The following TCEA1 variants were observed in gnomAD, a reference collection of about 807,000 sequenced individuals.
TCEA1 encodes the protein transcription elongation factor A1.
A neutral mutation model predicts 43.8 loss-of-function variants in TCEA1; 21 were observed. The observed-to-expected ratio is 0.48, with a 90% CI of 0.34 to 0.69. TCEA1 has a LOEUF of 0.69. Among genes scored for constraint, TCEA1 ranks in the 30% least tolerant of loss-of-function variants. The pLI is 0.01. For synonymous variants in TCEA1, 104 were observed against 117.5 expected (o/e 0.88, Z 0.75); for missense variants, 250 against 365.1 (o/e 0.68, Z 2.57).
intron 2 of TCEA1, among the ~76,000 whole-genome samples, chr8:54,008,135 T>C (rs1185001527): frequency 1.6e-5 from 2 of 127,782 alleles, no homozygotes; most frequent in South Asian, 2.6e-4. Context: ...GTCGTACCAC[T>C]GCACTCCATC....
intron 8 of TCEA1, chr8:53,972,756 T>A: frequency 1.4e-6 from 1 of 710,386 alleles, no homozygotes; most frequent in Non-Finnish European, 2.7e-6. Context: ...ATGACTGAAG[T>A]ACTATTATGC....
At chr8:54,003,030 A>T (rs1209113803) in intron 2 of TCEA1, 1 of 456,286 alleles carries the variant, frequency 2.2e-6, no homozygotes, top group Non-Finnish European at 4.4e-6. Flanking sequence ...GCTCCAGAAG[A>T]AAAGTCTCCT....
intron 8 of TCEA1, chr8:53,973,462 T>G: frequency 2.0e-6 from 1 of 502,700 alleles, no homozygotes. Flanking sequence ...GACCAGTACT[T>G]TGCTAAAGAA....
chr8:54,004,428 A>T (rs531100310), intron 2 of TCEA1, among the ~76,000 whole-genome samples: 1 of 152,376 alleles, frequency 6.6e-6, no homozygotes, highest in South Asian at 2.1e-4. Flanking sequence ...ATGCAACTGA[A>T]TATTATTCAG....
chr8:54,000,081 A>G, intron 2 of TCEA1, 31 bp from the exon 3 acceptor site: 2 of 1,239,486 alleles, frequency 1.6e-6, no homozygotes, highest in Non-Finnish European at 2.2e-6. Context: ...AATTATGTAT[A>G]CCAATTTTAT....
intron 3 of TCEA1, among the ~76,000 whole-genome samples, chr8:53,994,217 C>T (rs1803975232): frequency 6.6e-6 from 1 of 152,054 alleles, no homozygotes; most frequent in South Asian, 2.1e-4. Context: ...TGGTGGTGCA[C>T]ACCTGTAGTC....
intron 3 of TCEA1, among the ~76,000 whole-genome samples, chr8:53,996,838 T>C (rs1804067209): frequency 7.2e-6 from 1 of 139,328 alleles, no homozygotes. Context: ...CAATCCATTA[T>C]ACAGAAAAGG....
chr8:53,980,982 C>A (rs956914697), intron 7 of TCEA1, among the ~76,000 whole-genome samples: 1 of 152,148 alleles, frequency 6.6e-6, no homozygotes, highest in Admixed American at 6.6e-5. Flanking sequence ...GATATGAAAA[C>A]GTTTTAGTGG....
intron 1 of TCEA1, 84 bp from the exon 2 acceptor site, chr8:54,010,576 A>G (rs1804620474): frequency 1.9e-6 from 2 of 1,077,298 alleles, no homozygotes; most frequent in African/African-American, 1.6e-5. Context: ...GGAGAATCAC[A>G]GAAAACAGCT....
At chr8:53,978,242 AT>A (rs750119057) in intron 8 of TCEA1, among the ~76,000 whole-genome samples, 6 of 152,016 alleles carry the variant, frequency 3.9e-5, no homozygotes, top group Admixed American at 6.6e-5. Flanking sequence ...CCGCAAAAAA[AT>A]AATAATAATT....
intron 3 of TCEA1, among the ~76,000 whole-genome samples, chr8:53,997,932 C>T (rs1294297006): frequency 6.6e-6 from 1 of 152,186 alleles, no homozygotes; most frequent in East Asian, 1.9e-4. Context: ...TTCAAGGATA[C>T]AACTTAAAAA....
chr8:53,968,373 T>TA (rs78712518), intron 9 of TCEA1, among the ~76,000 whole-genome samples: 183 of 118,662 alleles, frequency 1.5e-3, no homozygotes, highest in Non-Finnish European at 2.0e-3. Context: ...TTTTTAAGGT[T>TA]AAAAAAAAAA....
chr8:54,006,481 A>C (rs1178655646), intron 2 of TCEA1, among the ~76,000 whole-genome samples: 1 of 152,188 alleles, frequency 6.6e-6, no homozygotes, highest in Non-Finnish European at 1.5e-5. Flanking sequence ...CTCCATCTCA[A>C]AGAAAAAAAA....
At chr8:54,017,963 G>C (rs1321803505) in intron 1 of TCEA1, among the ~76,000 whole-genome samples, 1 of 152,090 alleles carries the variant, frequency 6.6e-6, no homozygotes, top group African/African-American at 2.4e-5. Context: ...GGGTAGGGAG[G>C]GGGGATAGTG....
intron 1 of TCEA1, among the ~76,000 whole-genome samples, chr8:54,011,020 C>T (rs1212615095): frequency 6.6e-6 from 1 of 152,084 alleles, no homozygotes; most frequent in African/African-American, 2.4e-5. Context: ...CCAAGCTGGT[C>T]TCAAACTTCT....
At chr8:54,007,825 T>C (rs1374289129) in intron 2 of TCEA1, among the ~76,000 whole-genome samples, 1 of 152,212 alleles carries the variant, frequency 6.6e-6, no homozygotes, top group African/African-American at 2.4e-5. Context: ...ATATTCATGT[T>C]ATTGGCTATA....
At position 53,999,928 on chromosome 8, in the gene TCEA1, G is replaced by C. The variant is rs1804202197; in HGVS notation, c.232+17C>G. 7.1e-7 allele frequency: 1 copy of C among 1,413,838 alleles called. No individual in the cohort carries two copies. The highest frequency in any genetic ancestry group is 1.4e-5 in the African/African-American group (1 of 70,846). 87.6% of individuals were successfully genotyped at this position (1,413,838 alleles called of 1,614,324 possible). A position where few individuals can be genotyped will look rare whatever the true frequency, so the allele number is the denominator to read the frequency against. ...ATCACAACATCATAAATATATGTAA[G>C]GGAAGATCAATGATACCTAATAATT... On this transcript the variant is annotated intron_variant, in intron 3 of 9. Coordinates refer to ENST00000521604, the MANE Select transcript of TCEA1 (RefSeq NM_006756.4).
chr8:53,975,322 T>C (rs960999520), intron 8 of TCEA1, among the ~76,000 whole-genome samples: 5 of 152,216 alleles, frequency 3.3e-5, no homozygotes, highest in African/African-American at 9.6e-5. Flanking sequence ...GACTTAAATT[T>C]ATTACTCATA....
intron 2 of TCEA1, among the ~76,000 whole-genome samples, chr8:54,000,322 C>A (rs1285212289): frequency 6.6e-6 from 1 of 152,108 alleles, no homozygotes; most frequent in South Asian, 2.1e-4. Flanking sequence ...ATCAATCTTT[C>A]CACAAGGGAG....
Sources: gnomAD v4.1 joint callset for allele counts (sites outside exome capture counted in the v4.1 genomes callset) on GRCh38, gnomAD v4.1.1 for gene constraint, MANE v1.5 for transcripts, NCBI Gene and HGNC (gene_info 2026-07-23, HGNC 2026-07-21) for gene names.